The following STAG1 variants were observed in gnomAD, a reference collection of about 807,000 sequenced individuals.
STAG1 encodes STAG1 cohesin complex component, also known as cohesin subunit SA-1.
A neutral mutation model predicts 170.9 loss-of-function variants in STAG1; 26 were observed. The observed-to-expected ratio is 0.15, with a 90% CI of 0.11 to 0.21. The LOEUF (loss-of-function observed/expected upper bound fraction) is 0.21. Among genes scored for constraint, STAG1 ranks in the 10% least tolerant of loss-of-function variants. The probability of loss-of-function intolerance (pLI) is 1.00; values close to 1 mark genes in which losing one functional copy is unlikely to be tolerated. For synonymous variants in STAG1, 514 were observed against 497.7 expected, an observed-to-expected ratio of 1.03 and a Z score of -0.44; for missense variants, 964 against 1,509.5, an observed-to-expected ratio of 0.64 and a Z score of 5.99.
At chr3:136,432,666 C>T (rs554096801) in intron 16 of STAG1, among the ~76,000 whole-genome samples, 47 of 152,166 alleles carry the variant, frequency 3.1e-4, no homozygotes, top group African/African-American at 1.1e-3. Context: ...GCCACCCTGC[C>T]CAGCTCATTT....
At chr3:136,650,976 G>A (rs1248781274) in intron 1 of STAG1, among the ~76,000 whole-genome samples, 2 of 151,424 alleles carry the variant, frequency 1.3e-5, no homozygotes. Flanking sequence ...CTCCCCACAG[G>A]GATAAAGGGT....
At chr3:136,750,954 G>A (rs1246153568) in intron 1 of STAG1, among the ~76,000 whole-genome samples, 2 of 152,162 alleles carry the variant, frequency 1.3e-5, no homozygotes, top group Non-Finnish European at 2.9e-5. Context: ...CCATCGGAAT[G>A]TGCAATTTTC....
At chr3:136,750,871 G>A (rs1306464869) in intron 1 of STAG1, among the ~76,000 whole-genome samples, 1 of 152,046 alleles carries the variant, frequency 6.6e-6, no homozygotes, top group Non-Finnish European at 1.5e-5. Flanking sequence ...TTAGAACAAG[G>A]TACGTTACAT....
intron 22 of STAG1, among the ~76,000 whole-genome samples, chr3:136,396,012 T>C (rs543849795): frequency 2.6e-5 from 4 of 152,242 alleles, no homozygotes; most frequent in Admixed American, 2.0e-4. Flanking sequence ...CAAGCGATTC[T>C]CGTACTTCAG....
intron 1 of STAG1, among the ~76,000 whole-genome samples, chr3:136,716,054 C>T (rs765856257): frequency 1.3e-5 from 2 of 152,034 alleles, no homozygotes; most frequent in Non-Finnish European, 2.9e-5. Flanking sequence ...GCCACGATGG[C>T]GCCACTGCAC....
At chr3:136,612,825 C>T (rs1939372278) in intron 3 of STAG1, among the ~76,000 whole-genome samples, 1 of 152,158 alleles carries the variant, frequency 6.6e-6, no homozygotes, top group South Asian at 2.1e-4. Flanking sequence ...CACTGTTAGG[C>T]AATTACAAAT....
At chr3:136,419,415 T>C (rs529276595) in intron 20 of STAG1, among the ~76,000 whole-genome samples, 18 of 152,176 alleles carry the variant, frequency 1.2e-4, no homozygotes, top group Middle Eastern at 3.4e-3. Context: ...CAAGTGAAAA[T>C]TACAATTTGA....
At chr3:136,525,408 G>A (rs1002585250) in intron 6 of STAG1, among the ~76,000 whole-genome samples, 4 of 152,030 alleles carry the variant, frequency 2.6e-5, no homozygotes, top group Non-Finnish European at 4.4e-5. Context: ...TTTCTCTGAC[G>A]GTAGTTTGTA....
chr3:136,477,800 A>G (rs1209274469), intron 9 of STAG1, among the ~76,000 whole-genome samples: 6 of 152,084 alleles, frequency 3.9e-5, no homozygotes, highest in Non-Finnish European at 7.4e-5. Flanking sequence ...TTTTTTAAAA[A>G]ATTATTATTA....
intron 7 of STAG1, among the ~76,000 whole-genome samples, chr3:136,503,437 A>C (rs1420434354): frequency 2.0e-5 from 3 of 152,332 alleles, no homozygotes; most frequent in East Asian, 1.9e-4. Flanking sequence ...AAACACTTTC[A>C]AATTTGTTTC....
chr3:136,396,209 GTTTTTTTTTT>G (rs1157402968), intron 22 of STAG1, among the ~76,000 whole-genome samples: 2 of 87,952 alleles, frequency 2.3e-5, no homozygotes, highest in East Asian at 4.1e-4. Context: ...GTGTAACACA[GTTTTTTTTTT>G]TTTTTTTTTT....
At chr3:136,716,763 C>T (rs746743300) in intron 1 of STAG1, among the ~76,000 whole-genome samples, 41 of 152,348 alleles carry the variant, frequency 2.7e-4, no homozygotes, top group Non-Finnish European at 5.1e-4. Flanking sequence ...ACTGCATTCC[C>T]TCCCTGATAA....
chr3:136,673,187 T>C (rs1222087805), intron 1 of STAG1, among the ~76,000 whole-genome samples: 6 of 152,342 alleles, frequency 3.9e-5, no homozygotes, highest in South Asian at 2.1e-4. Flanking sequence ...AGCAGCAAAG[T>C]TGAATTTGGG....
At chr3:136,575,903 G>A (rs1227682250) in intron 4 of STAG1, among the ~76,000 whole-genome samples, 4 of 152,054 alleles carry the variant, frequency 2.6e-5, no homozygotes, top group Non-Finnish European at 4.4e-5. Context: ...GTTTGCCAGC[G>A]GCCTCCTTGA....
At chr3:136,374,595 C>A (rs1267062776) in intron 23 of STAG1, among the ~76,000 whole-genome samples, 1 of 147,030 alleles carries the variant, frequency 6.8e-6, no homozygotes, top group Non-Finnish European at 1.5e-5. Context: ...CCAGCCTGGG[C>A]AACAAGAGCA....
chr3:136,506,719 G>A (rs1225215053), intron 7 of STAG1, among the ~76,000 whole-genome samples: 3 of 151,790 alleles, frequency 2.0e-5, no homozygotes, highest in South Asian at 2.1e-4. Flanking sequence ...TACAATGAAG[G>A]AAATGAGATA....
chr3:136,374,971 T>C (rs1937522476), intron 23 of STAG1, among the ~76,000 whole-genome samples: 1 of 152,182 alleles, frequency 6.6e-6, no homozygotes, highest in South Asian at 2.1e-4. Context: ...TAAATACCAG[T>C]TGTATTATAA....
intron 3 of STAG1, among the ~76,000 whole-genome samples, chr3:136,619,712 G>A (rs111871625): frequency 7.4e-5 from 10 of 135,688 alleles, no homozygotes; most frequent in South Asian, 2.5e-4. Flanking sequence ...AGCCAAGATC[G>A]TGCTACTACA....
chr3:136,595,680 A>AATCAATCAATC (rs1559898982), intron 4 of STAG1, among the ~76,000 whole-genome samples: 4 of 2,798 alleles, frequency 1.4e-3, no homozygotes, highest in East Asian at 6.8e-3. Context: ...CCATCTCAAT[A>AATCAATCAATC]AATAAATAAA....
Sources: allele counts gnomAD v4.1 joint callset (sites outside exome capture counted in the v4.1 genomes callset), GRCh38; gene constraint gnomAD v4.1.1; transcripts MANE v1.5; gene names NCBI Gene and HGNC (gene_info 2026-07-23, HGNC 2026-07-21).